The following ANXA8 variants were observed in gnomAD, a reference collection of about 807,000 sequenced individuals.
The protein encoded by ANXA8 is VAC-beta.
ANXA8 carries 9 observed loss-of-function variants against 26.8 expected under a neutral mutation model. The ratio of observed to expected loss-of-function variants is 0.34; its 90% confidence interval spans 0.20 to 0.59. ANXA8 has a LOEUF of 0.59. Ranked by LOEUF, ANXA8 falls within the 20% of genes least tolerant of loss-of-function variation. The pLI, the probability that ANXA8 is intolerant of heterozygous loss-of-function variation, is 0.84. For missense variants in ANXA8, 83 were observed against 238.5 expected, an observed-to-expected ratio of 0.35 and a Z score of 4.29; for synonymous variants, 39 against 94.8, an observed-to-expected ratio of 0.41 and a Z score of 3.42.
the ANXA8 span, chr10:47,496,377 A>AT: frequency 6.6e-6 from 1 of 151,206 alleles, no homozygotes; most frequent in East Asian, 1.9e-4. Flanking sequence ...CACCTCTTAG[A>AT]TAGCCACAGT....
At chr10:47,515,856 AG>A in the ANXA8 span, among the ~76,000 whole-genome samples, 8 of 106,760 alleles carry the variant, frequency 7.5e-5, no homozygotes, top group South Asian at 3.4e-4. Flanking sequence ...CCTCACACTG[AG>A]TGCTATCAGT....
the ANXA8 span, among the ~76,000 whole-genome samples, chr10:47,680,806 A>G: frequency 6.6e-6 from 1 of 151,226 alleles, no homozygotes; most frequent in African/African-American, 2.4e-5. Flanking sequence ...ATTAAGTTAT[A>G]ATGAACTTTC....
chr10:47,694,420 T>C, the ANXA8 span, among the ~76,000 whole-genome samples: 1 of 123,264 alleles, frequency 8.1e-6, no homozygotes, highest in African/African-American at 4.2e-5. Flanking sequence ...AATCTTCCTT[T>C]TTTTTTTTTT....
chr10:47,657,989 T>C, the ANXA8 span, among the ~76,000 whole-genome samples: 2 of 151,820 alleles, frequency 1.3e-5, no homozygotes, highest in South Asian at 2.1e-4. Context: ...AGAAGCTTCA[T>C]AGAATGCTTA....
At chr10:47,693,113 G>A in the ANXA8 span, among the ~76,000 whole-genome samples, 1 of 151,652 alleles carries the variant, frequency 6.6e-6, no homozygotes, top group Non-Finnish European at 1.5e-5. Flanking sequence ...TGGTGTATTA[G>A]AGCAGGAGGA....
At chr10:47,558,027 A>G in the ANXA8 span, among the ~76,000 whole-genome samples, 1 of 151,922 alleles carries the variant, frequency 6.6e-6, no homozygotes, top group Non-Finnish European at 1.5e-5. Flanking sequence ...TATCTGTGGT[A>G]ATTAAGTTAA....
chr10:47,595,686 AG>A, the ANXA8 span, among the ~76,000 whole-genome samples: 45,756 of 148,336 alleles, frequency 0.31, 8,633 homozygotes, highest in Non-Finnish European at 0.41. Context: ...TTAATGACAA[AG>A]GGCTCAATTC....
the ANXA8 span, among the ~76,000 whole-genome samples, chr10:47,649,221 T>C: frequency 6.7e-6 from 1 of 149,868 alleles, no homozygotes; most frequent in East Asian, 1.9e-4. Context: ...AAACATGTTA[T>C]TGCCCTCATC....
the ANXA8 span, chr10:47,565,635 GCTACGCGGCTGCCGGGCC>G: frequency 6.2e-5 from 21 of 336,052 alleles, no homozygotes. Context: ...CTGAACTTCG[GCTACGCGGCTGCCGGGCC>G]CTGGCCAGCC....
At chr10:47,700,690 T>C in the ANXA8 span, among the ~76,000 whole-genome samples, 1 of 151,732 alleles carries the variant, frequency 6.6e-6, no homozygotes, top group South Asian at 2.1e-4. Flanking sequence ...ACCAAAACAC[T>C]ATAAACAAAG....
chr10:47,586,972 C>T, the ANXA8 span, among the ~76,000 whole-genome samples: 6 of 145,834 alleles, frequency 4.1e-5, no homozygotes, highest in South Asian at 2.1e-4. Context: ...TTTGGGAGGC[C>T]GAGGCTGGCA....
At chr10:47,562,769 G>T in the ANXA8 span, among the ~76,000 whole-genome samples, 1 of 141,818 alleles carries the variant, frequency 7.1e-6, no homozygotes, top group African/African-American at 2.7e-5. Context: ...ACCTCAGGAA[G>T]GGAAAATGGC....
At chr10:47,600,415 T>C in the ANXA8 span, among the ~76,000 whole-genome samples, 1 of 148,606 alleles carries the variant, frequency 6.7e-6, no homozygotes, top group African/African-American at 2.6e-5. Context: ...TTGCTGTGTT[T>C]GGCATGCCAT....
At chr10:47,583,735 T>A in the ANXA8 span, among the ~76,000 whole-genome samples, 1 of 146,936 alleles carries the variant, frequency 6.8e-6, no homozygotes, top group South Asian at 2.1e-4. Context: ...GCTTTTCCCT[T>A]AGGCCTAGAA....
the ANXA8 span, chr10:47,507,628 T>A: frequency 6.5e-7 from 1 of 1,528,700 alleles, no homozygotes; most frequent in Non-Finnish European, 8.8e-7. Flanking sequence ...TTATCATTTG[T>A]TAGGCCTGCA....
the ANXA8 span, among the ~76,000 whole-genome samples, chr10:47,510,928 A>AT: frequency 9.8e-5 from 13 of 132,802 alleles, no homozygotes; most frequent in South Asian, 2.4e-4. Context: ...TAATTAATTA[A>AT]TTAATTAATT....
the ANXA8 span, among the ~76,000 whole-genome samples, chr10:47,527,662 G>C: frequency 7.1e-6 from 1 of 141,724 alleles, no homozygotes; most frequent in African/African-American, 2.6e-5. Flanking sequence ...TTGTGTGTGT[G>C]TGTGAGTGAG....
the ANXA8 span, among the ~76,000 whole-genome samples, chr10:47,676,095 A>G: frequency 6.6e-6 from 1 of 151,664 alleles, no homozygotes; most frequent in Non-Finnish European, 1.5e-5. Flanking sequence ...TGGACATAGC[A>G]GAAGAAAGAA....
the ANXA8 span, among the ~76,000 whole-genome samples, chr10:47,892,610 AAC>A: frequency 6.7e-6 from 1 of 148,426 alleles, no homozygotes; most frequent in Non-Finnish European, 1.5e-5. Context: ...GCGTATGGTC[AAC>A]AGAGTATTGT....
Sources: allele counts gnomAD v4.1 joint callset (sites outside exome capture counted in the v4.1 genomes callset), GRCh38; gene constraint gnomAD v4.1.1; transcripts MANE v1.5; gene names NCBI Gene and HGNC (gene_info 2026-07-23, HGNC 2026-07-21).